Variants in SOX5 observed in about 807,000 individuals in gnomAD.
SOX5 encodes the protein SRY-box transcription factor 5, also known as transcription factor SOX-5.
In SOX5, 9 loss-of-function variants were observed where a neutral mutation model predicts 92.0. The ratio of observed to expected loss-of-function variants is 0.10; its 90% confidence interval spans 0.06 to 0.17. The LOEUF (loss-of-function observed/expected upper bound fraction) is 0.17, where lower values mean the gene tolerates loss of function less well. Among genes scored for constraint, SOX5 ranks in the 10% least tolerant of loss-of-function variants. The probability of loss-of-function intolerance (pLI) is 1.00; values close to 1 mark genes in which losing one functional copy is unlikely to be tolerated. For synonymous variants in SOX5, 344 were observed against 336.3 expected, an observed-to-expected ratio of 1.02 and a Z score of -0.25; for missense variants, 642 against 944.5, an observed-to-expected ratio of 0.68 and a Z score of 4.20.
chr12:24,542,464 C>A (rs886885943), intron 1 of SOX5, among the ~76,000 whole-genome samples: 1 of 152,164 alleles, frequency 6.6e-6, no homozygotes, highest in Non-Finnish European at 1.5e-5. Flanking sequence ...TATAATACAA[C>A]GTTCTTAGCC....
chr12:24,041,531 CTA>C lies in SOX5; in HGVS notation c.-1-145509_-1-145508del, dbSNP rs1956524203. 2.6e-5 allele frequency among the ~76,000 whole-genome samples: 4 copies of C among 152,256 alleles called. No individual in the cohort carries two copies. The South Asian group carries it at 8.3e-4, about 32-fold the overall frequency. ...ACAAATTTACAATATAATACCATAACTACATTGCTTAAAGTCCTTAAACCGCT... is the reference window on the plus strand; with the variant it reads ...ACAAATTTACAATATAATACCATAACCATTGCTTAAAGTCCTTAAACCGCT... On this transcript the variant is annotated intron_variant, in intron 4 of 4. Coordinates refer to the SOX5 transcript ENST00000446891.
intron 1 of SOX5, among the ~76,000 whole-genome samples, chr12:23,911,950 T>C (rs563882575): frequency 1.6e-4 from 25 of 152,102 alleles, no homozygotes; most frequent in Non-Finnish European, 3.5e-4. Context: ...ACAGATACAT[T>C]GGACTTCATT....
At chr12:24,106,191 A>G (rs1451772360) in intron 4 of SOX5, among the ~76,000 whole-genome samples, 1 of 132,972 alleles carries the variant, frequency 7.5e-6, no homozygotes, top group Admixed American at 7.4e-5. Flanking sequence ...TGGTAATTAG[A>G]AAAAAAAAAA....
chr12:24,560,741 C>T (rs183602822), intron 1 of SOX5, among the ~76,000 whole-genome samples: 11 of 152,284 alleles, frequency 7.2e-5, no homozygotes, highest in African/African-American at 2.2e-4. Context: ...ACTTGAAAAA[C>T]ATTTCCGTAT....
At chr12:24,361,259 T>G (rs1955521838) in intron 2 of SOX5, among the ~76,000 whole-genome samples, 2 of 152,178 alleles carry the variant, frequency 1.3e-5, no homozygotes, top group Admixed American at 6.5e-5. Context: ...ATGGCCCCAG[T>G]GCATTCTTCT....
chr12:23,887,908 AGTGTGTATATGTGTGT>A (rs982290748), intron 2 of SOX5, among the ~76,000 whole-genome samples: 44 of 105,952 alleles, frequency 4.2e-4, no homozygotes, highest in East Asian at 1.0e-3. Context: ...TAATTGGTCC[AGTGTGTATATGTGTGT>A]GTGTGTGTGT....
intron 1 of SOX5, among the ~76,000 whole-genome samples, chr12:24,541,945 T>G (rs182961394): frequency 1.1e-4 from 16 of 152,346 alleles, no homozygotes; most frequent in Admixed American, 8.5e-4. Flanking sequence ...TGAATAGTTT[T>G]CAGAATAAGG....
intron 2 of SOX5, among the ~76,000 whole-genome samples, chr12:23,890,782 T>C (rs917224478): frequency 2.6e-5 from 4 of 151,534 alleles, no homozygotes; most frequent in Non-Finnish European, 4.4e-5. Flanking sequence ...GTCTCTGAAA[T>C]TTTGAAGCAA....
intron 3 of SOX5, among the ~76,000 whole-genome samples, chr12:23,812,540 C>T (rs900502735): frequency 3.0e-4 from 45 of 151,718 alleles, no homozygotes; most frequent in African/African-American, 1.1e-3. Flanking sequence ...GCTATTAGAT[C>T]TCTTTAGAGA....
chr12:24,060,657 G>A (rs1480944083), intron 4 of SOX5, among the ~76,000 whole-genome samples: 1 of 152,160 alleles, frequency 6.6e-6, no homozygotes, highest in Non-Finnish European at 1.5e-5. Flanking sequence ...TAGCCAAAGA[G>A]CACGTCATCT....
chr12:23,954,981 TAC>T (rs1387570448), upstream of SOX5, among the ~76,000 whole-genome samples: 1 of 152,112 alleles, frequency 6.6e-6, no homozygotes, highest in African/African-American at 2.4e-5. Flanking sequence ...ATCTATATGA[TAC>T]ATAATAAAAG....
intron 2 of SOX5, among the ~76,000 whole-genome samples, chr12:23,886,125 C>T (rs1232448919): frequency 1.3e-5 from 2 of 152,118 alleles, no homozygotes; most frequent in Non-Finnish European, 2.9e-5. Flanking sequence ...TCCCACTCAT[C>T]ATTCTGTAAG....
chr12:24,544,125 T>C (rs1182028789), intron 1 of SOX5, among the ~76,000 whole-genome samples: 1 of 152,156 alleles, frequency 6.6e-6, no homozygotes, highest in Non-Finnish European at 1.5e-5. Flanking sequence ...TACTGTTAAA[T>C]ATAAAAACAA....
At chr12:24,178,892 A>G (rs1453836010) in intron 4 of SOX5, among the ~76,000 whole-genome samples, 1 of 152,200 alleles carries the variant, frequency 6.6e-6, no homozygotes, top group East Asian at 1.9e-4. Flanking sequence ...GTTTTCCCCC[A>G]TGATACCCAT....
At chr12:23,745,808 T>C (rs2093963629) in intron 4 of SOX5, among the ~76,000 whole-genome samples, 1 of 152,028 alleles carries the variant, frequency 6.6e-6, no homozygotes, top group South Asian at 2.1e-4. Flanking sequence ...CATTGCATTG[T>C]ATTATCTTAT....
At chr12:23,634,066 C>T (rs1181423350) in intron 8 of SOX5, among the ~76,000 whole-genome samples, 1 of 152,150 alleles carries the variant, frequency 6.6e-6, no homozygotes, top group African/African-American at 2.4e-5. Flanking sequence ...AAATTAATAT[C>T]ATTTAACGCA....
intron 2 of SOX5, among the ~76,000 whole-genome samples, chr12:24,360,032 G>A (rs944865842): frequency 6.6e-6 from 1 of 152,224 alleles, no homozygotes; most frequent in African/African-American, 2.4e-5. Context: ...ACGGAGGGAA[G>A]GGAGAAGCTG....
intron 4 of SOX5, among the ~76,000 whole-genome samples, chr12:24,052,464 G>C (rs1017924948): frequency 2.0e-5 from 3 of 151,940 alleles, no homozygotes; most frequent in Non-Finnish European, 2.9e-5. Context: ...TGCTATTGCT[G>C]TTACTCAATA....
chr12:24,093,266 A>G (rs1944883071), intron 4 of SOX5, among the ~76,000 whole-genome samples: 1 of 152,158 alleles, frequency 6.6e-6, no homozygotes, highest in Non-Finnish European at 1.5e-5. Flanking sequence ...TCACACCTGT[A>G]ATCCCAGCAC....
Sources: gnomAD v4.1 joint callset for allele counts (sites outside exome capture counted in the v4.1 genomes callset) on GRCh38, gnomAD v4.1.1 for gene constraint, MANE v1.5 for transcripts, NCBI Gene and HGNC (gene_info 2026-07-23, HGNC 2026-07-21) for gene names.